CTIF: variants seen among roughly 807,000 people sequenced by gnomAD.
CTIF encodes the protein cap binding complex dependent translation initiation factor.
A neutral mutation model predicts 66.0 loss-of-function variants in CTIF; 21 were observed. The ratio of observed to expected loss-of-function variants is 0.32; its 90% confidence interval spans 0.23 to 0.46. The LOEUF is 0.46. Ranked by LOEUF, CTIF falls within the 20% of genes least tolerant of loss-of-function variation. The pLI is 1.00. For synonymous variants in CTIF, 345 were observed against 326.4 expected, an observed-to-expected ratio of 1.06 and a Z score of -0.62; for missense variants, 739 against 812.7, an observed-to-expected ratio of 0.91 and a Z score of 1.10.
intron 10 of CTIF, among the ~76,000 whole-genome samples, chr18:48,850,173 G>A (rs1318441061): frequency 3.3e-5 from 5 of 152,154 alleles, no homozygotes; most frequent in Non-Finnish European, 5.9e-5. Context: ...GGGCTCGTCC[G>A]TGTTGTGGCA....
intron 10 of CTIF, among the ~76,000 whole-genome samples, chr18:48,836,172 C>T (rs546446335): frequency 5.3e-4 from 80 of 152,200 alleles, no homozygotes; most frequent in African/African-American, 1.9e-3. Flanking sequence ...AGGCAGCTCC[C>T]ACTGTGCTCT....
At chr18:48,544,711 A>G (rs1438580603) in intron 1 of CTIF, among the ~76,000 whole-genome samples, 1 of 152,224 alleles carries the variant, frequency 6.6e-6, no homozygotes, top group Non-Finnish European at 1.5e-5. Context: ...GCAATGGCCC[A>G]AAAATGGTTA....
At chr18:48,713,703 C>T (rs758817573) in intron 7 of CTIF, among the ~76,000 whole-genome samples, 13 of 152,120 alleles carry the variant, frequency 8.5e-5, no homozygotes, top group Non-Finnish European at 1.0e-4. Flanking sequence ...AACATCGTGC[C>T]GTGAAACTCA....
At chr18:48,656,819 G>A (rs1382646219) in intron 3 of CTIF, among the ~76,000 whole-genome samples, 1 of 152,184 alleles carries the variant, frequency 6.6e-6, no homozygotes, top group African/African-American at 2.4e-5. Flanking sequence ...GGCAGGGCCT[G>A]GATGCTGTCA....
rs74174711 is a variant in CTIF, at chr18:48,645,278, CA to C, written c.252+8608del. 3.9e-4 allele frequency among the ~76,000 whole-genome samples: 27 copies of C among 69,184 alleles called. 1 individual carries two copies. The East Asian group carries it at 8.0e-3, about 21-fold the overall frequency. The allele number at this position is 69,184 out of a possible 152,430, so 45.4% of individuals were successfully genotyped here. A position where few individuals can be genotyped will look rare whatever the true frequency, so the allele number is the denominator to read the frequency against. On this transcript the variant is annotated intron_variant, in intron 3 of 11. Transcript: ENST00000256413. The stretch of plus-strand genomic sequence containing the variant: ...ACTAGGAAATGCTAATGGACACAGG[CA>C]AAAAAAAAAAAAAATCCCAATAAAA...
intron 9 of CTIF, among the ~76,000 whole-genome samples, chr18:48,793,525 T>C (rs1031292865): frequency 2.0e-5 from 3 of 152,206 alleles, no homozygotes; most frequent in African/African-American, 7.2e-5. Context: ...TTTTGTGCTC[T>C]GTATTTCTGA....
chr18:48,670,685 C>G lies in CTIF; in HGVS notation c.448C>G (p.Leu150Val). Residue 150 changes from leucine (L) to valine (V), a missense_variant, in exon 6 of 12, where the codon CTG becomes GTG. Physicochemically the swap from Leu to Val is conservative, Grantham distance 32. Transcript: ENST00000256413. ...CTGGTCCAGGTGTGGCAAAGGGAAG[C>G]TGGAAGATGGGGATGGCATCAACCT... ...IDREGCGKGK[L>V]EDGDGINLND... 6.2e-7 allele frequency: 1 copy of G among 1,614,064 alleles called. No individual in the cohort carries two copies. Among genetic ancestry groups the G allele is most frequent in the Non-Finnish European group, 8.5e-7 (1 of 1,179,944 alleles).
At chr18:48,789,812 A>G (rs2067753258) in intron 9 of CTIF, among the ~76,000 whole-genome samples, 2 of 152,198 alleles carry the variant, frequency 1.3e-5, no homozygotes, top group South Asian at 4.1e-4. Context: ...TTTTGCTCTC[A>G]GGAACCTTAA....
intron 9 of CTIF, among the ~76,000 whole-genome samples, chr18:48,764,960 A>C (rs532572348): frequency 3.9e-5 from 6 of 152,224 alleles, no homozygotes; most frequent in Admixed American, 3.9e-4. Flanking sequence ...TCCAAGGCCC[A>C]GAGGACACCT....
chr18:48,600,257 C>G (rs974574215), intron 1 of CTIF, among the ~76,000 whole-genome samples: 3 of 152,032 alleles, frequency 2.0e-5, no homozygotes, highest in African/African-American at 7.2e-5. Flanking sequence ...AGTGACTTGG[C>G]GCTGGGGAGA....
chr18:48,763,889 C>A (rs1399126383), intron 9 of CTIF, among the ~76,000 whole-genome samples: 1 of 152,144 alleles, frequency 6.6e-6, no homozygotes, highest in Non-Finnish European at 1.5e-5. Flanking sequence ...AACCCACTCA[C>A]CCCATATAGT....
intron 1 of CTIF, among the ~76,000 whole-genome samples, chr18:48,607,507 C>T (rs115628589): frequency 9.8e-4 from 149 of 152,332 alleles, no homozygotes; most frequent in African/African-American, 3.4e-3. Context: ...TGCTGCTGAC[C>T]ATTTTCTACT....
chr18:48,606,527 C>T (rs921879459), intron 1 of CTIF, among the ~76,000 whole-genome samples: 1 of 152,206 alleles, frequency 6.6e-6, no homozygotes, highest in East Asian at 1.9e-4. Flanking sequence ...AGGCCCAGTG[C>T]CACCCTCCAG....
intron 7 of CTIF, among the ~76,000 whole-genome samples, chr18:48,720,278 G>A (rs1050314935): frequency 2.0e-5 from 3 of 152,152 alleles, no homozygotes. Context: ...GATGGGGACG[G>A]GGGGGATGCT....
intron 1 of CTIF, among the ~76,000 whole-genome samples, chr18:48,571,205 G>A (rs908661281): frequency 6.6e-6 from 1 of 152,096 alleles, no homozygotes; most frequent in African/African-American, 2.4e-5. Flanking sequence ...TGCCCAGGCT[G>A]GAGTGCAGTG....
chr18:48,550,824 A>G (rs771001195), intron 1 of CTIF, among the ~76,000 whole-genome samples: 10 of 152,174 alleles, frequency 6.6e-5, no homozygotes, highest in Non-Finnish European at 1.0e-4. Context: ...ATGGAAAAAA[A>G]AGTATTTTTA....
At chr18:48,836,334 C>T (rs937681863) in intron 10 of CTIF, among the ~76,000 whole-genome samples, 1 of 152,202 alleles carries the variant, frequency 6.6e-6, no homozygotes, top group Admixed American at 6.5e-5. Context: ...TCCCCATGCT[C>T]AGCCTGGTCT....
At chr18:48,710,958 C>T (rs1193532683) in intron 6 of CTIF, among the ~76,000 whole-genome samples, 1 of 152,130 alleles carries the variant, frequency 6.6e-6, no homozygotes, top group Admixed American at 6.5e-5. Context: ...GATGACAAAA[C>T]AAGACCCTGT....
intron 7 of CTIF, among the ~76,000 whole-genome samples, chr18:48,750,696 C>T (rs1160871742): frequency 6.6e-6 from 1 of 152,224 alleles, no homozygotes; most frequent in Non-Finnish European, 1.5e-5. Context: ...CCAGAGCCCT[C>T]CCAGGCTCTC....
Sources: allele counts gnomAD v4.1 joint callset (sites outside exome capture counted in the v4.1 genomes callset), GRCh38; gene constraint gnomAD v4.1.1; transcripts MANE v1.5; gene names NCBI Gene and HGNC (gene_info 2026-07-23, HGNC 2026-07-21).